The following ANO7 variants were observed in gnomAD, a reference collection of about 807,000 sequenced individuals.
ANO7 encodes the protein anoctamin-7.
Under a neutral mutation model 115.8 loss-of-function variants are expected in ANO7, and 114 were observed. That is an observed-to-expected ratio of 0.98 (90% CI 0.85 to 1.15). ANO7 has a LOEUF of 1.15. Ranked by LOEUF, ANO7 falls within the 50% of genes most tolerant of loss-of-function variation. The probability of loss-of-function intolerance (pLI) is 0.00; values close to 1 mark genes in which losing one functional copy is unlikely to be tolerated. For synonymous variants in ANO7, 550 were observed against 498.2 expected (o/e 1.10, Z -1.38); for missense variants, 1,302 against 1,201.2 (o/e 1.08, Z -1.24).
chr2:241,216,351 A>G, intron 19 of ANO7, 113 bp downstream of exon 19: 1 of 1,208,666 alleles, frequency 8.3e-7, no homozygotes, highest in South Asian at 1.6e-5. Context: ...CTGCCCTGAA[A>G]TGTGCTGTGG....
Position 241,210,378 on chromosome 2 carries a change from C to G in ANO7, c.1443C>G (p.Thr481=), listed in dbSNP as rs2068693118. The part of the protein sequence containing the change: ...MAIVVSRSGN[T]LLAAWASRIA... ...TCGTGGTGTCCAGGTCGGGCAACAC[C>G]CTTCTCGCAGCCTGGGTGAGCCTCT... Residue 481 remains threonine (T), a synonymous_variant, in exon 14 of 25, where the codon ACC becomes ACG. Coordinates refer to ENST00000674324, the MANE Select transcript of ANO7 (RefSeq NM_001370694.2). The G allele has an allele frequency of 6.2e-7, 1 of 1,613,926 alleles. No individual in the cohort carries two copies. The highest frequency in any genetic ancestry group is 1.3e-5 in the African/African-American group (1 of 74,936).
At chr2:241,209,098 G>A (rs1019134528) in intron 11 of ANO7, among the ~76,000 whole-genome samples, 187 bp from the exon 12 acceptor site, 42 of 152,322 alleles carry the variant, frequency 2.8e-4, no homozygotes, top group Admixed American at 2.0e-3. Context: ...GCAGTGAGCC[G>A]AGATCGCGCC....
chr2:241,224,149 A>G lies in ANO7; in HGVS notation c.2636A>G (p.Gln879Arg), dbSNP rs367926970. The change falls in exon 25 of 25, where the codon CAG becomes CGG. Residue 879 changes from glutamine (Q) to arginine (R), a missense_variant. Coordinates refer to ENST00000674324, the MANE Select transcript of ANO7 (RefSeq NM_001370694.2). The part of the protein sequence containing the change: ...FTVPKASQLQ[Q>R] Reference sequence around the variant, plus strand: ...GTTCCCAAGGCCAGCCAGCTGCAGCAGTGACGCCTGGAAGGACATCTGGTG... The same window carrying G: ...GTTCCCAAGGCCAGCCAGCTGCAGCGGTGACGCCTGGAAGGACATCTGGTG... 3 of 1,599,584 alleles carry G rather than the reference A, an allele frequency of 1.9e-6. No homozygotes were observed. Among genetic ancestry groups the G allele is most frequent in the Non-Finnish European group, 2.6e-6 (3 of 1,167,482 alleles).
intron 21 of ANO7, among the ~76,000 whole-genome samples, chr2:241,218,795 TGAAA>T (rs1342296132): frequency 6.6e-6 from 1 of 152,166 alleles, no homozygotes; most frequent in East Asian, 1.9e-4. Flanking sequence ...AGGGTCTACG[TGAAA>T]GAGTCATAAT....
intron 10 of ANO7, among the ~76,000 whole-genome samples, chr2:241,206,211 GAC>G (rs201132647): frequency 4.0e-4 from 10 of 24,710 alleles, no homozygotes; most frequent in South Asian, 1.8e-3. Context: ...CTCCCAGGCT[GAC>G]ACAGGTGGAC....
At chr2:241,215,049 G>A (rs901439229) in intron 18 of ANO7, 147 bp downstream of exon 18, 12 of 758,458 alleles carry the variant, frequency 1.6e-5, no homozygotes, top group Middle Eastern at 3.0e-4. Context: ...GAGTGTGCCC[G>A]GCCGTCTGCC....
At chr2:241,229,663 C>A, downstream of ANO7, 1 of 1,614,160 alleles carries the variant, frequency 6.2e-7, no homozygotes, top group South Asian at 1.1e-5. Context: ...CTGGGAAATT[C>A]CTCAGAGCTG....
chr2:241,197,652 T>A (rs1410316039), intron 4 of ANO7, among the ~76,000 whole-genome samples: 26 of 17,336 alleles, frequency 1.5e-3, no homozygotes, highest in Non-Finnish European at 3.5e-3. Context: ...TCACCTGCCC[T>A]TTTTTTTTTT....
In ANO7 at chr2:241,191,207, A is replaced by T. The variant is rs1162336964; in HGVS notation, c.122A>T (p.Gln41Leu). ...TAHASEPGGQQAAACRAGSPA... is the reference protein window; with the variant it reads ...TAHASEPGGQLAAACRAGSPA... ...CATGCCTTCCAGCCAGGTGGACAGC[A>T]AGCGGCCGCCTGCAGAGCTGGGAGT... Residue 41 changes from glutamine to leucine, a missense_variant, in exon 3 of 25, where the codon CAA becomes CTA. Gln to Leu is a moderately radical substitution (Grantham distance 113). Coordinates refer to ENST00000674324, the MANE Select transcript of ANO7 (RefSeq NM_001370694.2). 3 of 1,613,910 alleles carry T rather than the reference A, an allele frequency of 1.9e-6. No homozygotes were observed. The highest frequency in any genetic ancestry group is 2.5e-6 in the Non-Finnish European group (3 of 1,179,984).
downstream of ANO7, chr2:241,229,015 G>T (rs974276056): frequency 1.3e-5 from 2 of 154,330 alleles, no homozygotes; most frequent in Non-Finnish European, 2.9e-5. Context: ...CTGAGAACCC[G>T]TCACCCTCTG....
chr2:241,204,820 C>T, intron 9 of ANO7, 45 bp from the exon 10 acceptor site: 1 of 1,557,382 alleles, frequency 6.4e-7, no homozygotes, highest in South Asian at 1.1e-5. Context: ...CTGGGGCCCC[C>T]AAGCCTGGGT....
intron 17 of ANO7, 89 bp from the exon 18 acceptor site, chr2:241,214,716 G>A (rs940364616): frequency 1.4e-5 from 17 of 1,226,702 alleles, no homozygotes; most frequent in Non-Finnish European, 1.7e-5. Context: ...GGTGGGGGCC[G>A]GGATGAGGGC....
rs2068498721 is a variant in ANO7 at position 241,202,626 on chromosome 2, A to G, written c.723+322A>G. Among the ~76,000 whole-genome samples, 4 of 152,196 alleles carry G rather than the reference A, an allele frequency of 2.6e-5. No homozygotes were observed. The South Asian group carries it at 6.2e-4, about 24-fold the overall frequency. On this transcript the variant is annotated intron_variant, in intron 8 of 24. Transcript: ENST00000674324. ...GCTGGGAAAGACAGTGAGGTCTCCTATCCCCCTCCAGAAGCTGGGTAAACT... is the reference window on the plus strand; with the variant it reads ...GCTGGGAAAGACAGTGAGGTCTCCTGTCCCCCTCCAGAAGCTGGGTAAACT...
chr2:241,234,806 C>T, the ANO7 span, among the ~76,000 whole-genome samples: 1 of 152,328 alleles, frequency 6.6e-6, no homozygotes, highest in South Asian at 2.1e-4. Flanking sequence ...ATAGCACATG[C>T]TTGGGGGCCT....
chr2:241,219,731 C>CT (rs11299376), intron 21 of ANO7, among the ~76,000 whole-genome samples: 18,883 of 113,884 alleles, frequency 0.17, 1,730 homozygotes, highest in South Asian at 0.29. Context: ...CCAGGCCTGG[C>CT]TTTTTTTTTT....
At chr2:241,190,238 C>A in intron 2 of ANO7, 67 bp downstream of exon 2, 4 of 1,378,972 alleles carry the variant, frequency 2.9e-6, no homozygotes, top group Non-Finnish European at 3.0e-6. Context: ...TATGCCCCCA[C>A]CCTGGGCCCA....
chr2:241,236,267 C>G, the ANO7 span: 1 of 317,576 alleles, frequency 3.1e-6, no homozygotes, highest in East Asian at 7.0e-5. Context: ...GGCCTGATAA[C>G]CCCACTCACG....
chr2:241,189,013 A>G (rs551541493), intron 1 of ANO7, among the ~76,000 whole-genome samples: 1 of 152,258 alleles, frequency 6.6e-6, no homozygotes, highest in East Asian at 1.9e-4. Flanking sequence ...TCCCCCATGG[A>G]GCAGGTCCCT....
rs2068826041 is a variant in ANO7, at chr2:241,216,225, G to A, written c.1959G>A (p.Glu653=). The A allele has an allele frequency of 2.5e-6, 4 of 1,604,134 alleles. No homozygotes were observed. The African/African-American group carries it at 4.0e-5, about 16-fold the overall frequency. ...TGCCCTGTGAGGGTCTGTTTGACGA[G>A]TACCTGGAAATGGGTAGGAGCCCGT... ...ELVPCEGLFD[E]YLEMVLQFGF... is the part of the protein sequence containing the mutation. The change falls in exon 19 of 25, where the codon GAG becomes GAA. Residue 653 remains glutamate (E), a synonymous_variant. Transcript: ENST00000674324.
Sources: gnomAD v4.1 joint callset for allele counts (sites outside exome capture counted in the v4.1 genomes callset) on GRCh38, gnomAD v4.1.1 for gene constraint, MANE v1.5 for transcripts, NCBI Gene and HGNC (gene_info 2026-07-23, HGNC 2026-07-21) for gene names.